The following SLC39A8 variants were observed in gnomAD, a reference collection of about 807,000 sequenced individuals.
SLC39A8 encodes the protein solute carrier family 39 member 8.
Under a neutral mutation model 40.4 loss-of-function variants are expected in SLC39A8, and 15 were observed. The observed-to-expected ratio is 0.37, with a 90% CI of 0.25 to 0.57. The LOEUF (loss-of-function observed/expected upper bound fraction) is 0.57. Among genes scored for constraint, SLC39A8 ranks in the 20% least tolerant of loss-of-function variants. The probability of loss-of-function intolerance (pLI) is 0.75; values close to 1 mark genes in which losing one functional copy is unlikely to be tolerated. For missense variants in SLC39A8, 472 were observed against 558.8 expected, an observed-to-expected ratio of 0.84 and a Z score of 1.57; for synonymous variants, 223 against 221.6, an observed-to-expected ratio of 1.01 and a Z score of -0.06.
At chr4:102,314,539 C>T (rs1734577293) in intron 3 of SLC39A8, among the ~76,000 whole-genome samples, 1 of 152,142 alleles carries the variant, frequency 6.6e-6, no homozygotes, top group African/African-American at 2.4e-5. Flanking sequence ...CTTCTACCTT[C>T]CCCACCAACT....
intron 6 of SLC39A8, among the ~76,000 whole-genome samples, chr4:102,279,145 T>C (rs1209036462): frequency 6.7e-6 from 1 of 148,216 alleles, no homozygotes; most frequent in African/African-American, 2.5e-5. Context: ...TTAAGTATAA[T>C]AATAAAAAAA....
At chr4:102,342,918 A>G (rs1159649727) in intron 2 of SLC39A8, among the ~76,000 whole-genome samples, 1 of 152,172 alleles carries the variant, frequency 6.6e-6, no homozygotes, top group Non-Finnish European at 1.5e-5. Context: ...CTTCAAGTCA[A>G]TCCTCTAAAC....
At chr4:102,267,152 G>A (rs1229036649) in intron 8 of SLC39A8, among the ~76,000 whole-genome samples, 1 of 152,096 alleles carries the variant, frequency 6.6e-6, no homozygotes, top group African/African-American at 2.4e-5. Flanking sequence ...AGAAAAAGGA[G>A]AAAAAGTCCT....
intron 2 of SLC39A8, among the ~76,000 whole-genome samples, chr4:102,327,288 A>G (rs1330925629): frequency 1.3e-5 from 2 of 152,156 alleles, no homozygotes; most frequent in African/African-American, 4.8e-5. Context: ...TTATGCCGAG[A>G]GTCTAAAGTC....
In SLC39A8 at chr4:102,262,158, T is replaced by C; in HGVS notation, c.*886A>G. On this transcript the variant is annotated 3_prime_UTR_variant, in exon 9 of 9. Transcript: ENST00000356736. ...ATTTATTAAAATATTCTCTGCTAAA[T>C]AGTTATGTTTGTCTTTAAAAGTAAA... 1 of 985,866 alleles carries C rather than the reference T, an allele frequency of 1.0e-6. No homozygotes were observed. The highest frequency in any genetic ancestry group is 1.2e-6 in the Non-Finnish European group (1 of 829,778). The allele number at this position is 985,866 out of a possible 1,614,324, so 61.1% of individuals were successfully genotyped here.
At chr4:102,253,906 G>T (rs1731651330) in intron 11 of SLC39A8, among the ~76,000 whole-genome samples, 1 of 151,916 alleles carries the variant, frequency 6.6e-6, no homozygotes, top group South Asian at 2.1e-4. Flanking sequence ...TTTCCTTTCT[G>T]CTTGTGGTAA....
At chr4:102,334,278 A>C in intron 2 of SLC39A8, among the ~76,000 whole-genome samples, 1 of 152,202 alleles carries the variant, frequency 6.6e-6, no homozygotes. Context: ...AGAACTGAGG[A>C]TTCAAAATTG....
chr4:102,331,494 C>T (rs1735461902), intron 2 of SLC39A8, among the ~76,000 whole-genome samples: 1 of 152,160 alleles, frequency 6.6e-6, no homozygotes, highest in South Asian at 2.1e-4. Context: ...GAACTACAAA[C>T]CACTGCTCAA....
At chr4:102,338,749 C>T (rs915847389) in intron 2 of SLC39A8, among the ~76,000 whole-genome samples, 2 of 152,166 alleles carry the variant, frequency 1.3e-5, no homozygotes, top group African/African-American at 2.4e-5. Flanking sequence ...CCACTTACTT[C>T]GTGACGTTGG....
At chr4:102,340,355 A>ATGG (rs958254455) in intron 2 of SLC39A8, among the ~76,000 whole-genome samples, 8 of 152,206 alleles carry the variant, frequency 5.3e-5, no homozygotes, top group African/African-American at 1.9e-4. Flanking sequence ...AATATATAAT[A>ATGG]TGTTATAATT....
chr4:102,296,403 A>G (rs575514720), intron 6 of SLC39A8, among the ~76,000 whole-genome samples: 1 of 152,230 alleles, frequency 6.6e-6, no homozygotes, highest in Non-Finnish European at 1.5e-5. Flanking sequence ...CAAAAGATGA[A>G]GTGATGCGAC....
chr4:102,254,885 G>A (rs1731673578), intron 11 of SLC39A8, among the ~76,000 whole-genome samples: 1 of 152,042 alleles, frequency 6.6e-6, no homozygotes, highest in African/African-American at 2.4e-5. Flanking sequence ...GCCCCTTTTG[G>A]CTCCAAAACT....
chr4:102,252,123 G>A (rs1731606460), exon 12 of SLC39A8: 1 of 152,360 alleles, frequency 6.6e-6, no homozygotes, highest in Admixed American at 6.5e-5. Flanking sequence ...TCCAGAAAGT[G>A]AGGAACTAGA....
At chr4:102,287,967 G>A (rs372937636) in intron 6 of SLC39A8, among the ~76,000 whole-genome samples, 20 of 152,102 alleles carry the variant, frequency 1.3e-4, no homozygotes, top group African/African-American at 4.3e-4. Context: ...CACGTGACAG[G>A]TACCACCAGC....
At chr4:102,316,894 T>C (rs535404631) in intron 2 of SLC39A8, among the ~76,000 whole-genome samples, 8 of 152,094 alleles carry the variant, frequency 5.3e-5, no homozygotes, top group Non-Finnish European at 8.8e-5. Flanking sequence ...AGTGCACTTA[T>C]AAAAAGAGAC....
At chr4:102,277,011 G>A (rs1732648486) in intron 6 of SLC39A8, among the ~76,000 whole-genome samples, 1 of 152,148 alleles carries the variant, frequency 6.6e-6, no homozygotes, top group Admixed American at 6.5e-5. Flanking sequence ...AACTATTTAT[G>A]ACAAACCCAC....
intron 6 of SLC39A8, among the ~76,000 whole-genome samples, chr4:102,293,973 T>C (rs991331268): frequency 4.0e-5 from 6 of 151,180 alleles, no homozygotes; most frequent in African/African-American, 1.5e-4. Context: ...CATTAATACA[T>C]ACAAACTTGA....
At chr4:102,321,884 A>G (rs1734981895) in intron 2 of SLC39A8, among the ~76,000 whole-genome samples, 1 of 152,234 alleles carries the variant, frequency 6.6e-6, no homozygotes, top group South Asian at 2.1e-4. Flanking sequence ...AAAGAAGAAC[A>G]AAGGCTTGAG....
chr4:102,260,141 G>T (rs1292185100), downstream of SLC39A8, among the ~76,000 whole-genome samples: 1 of 152,188 alleles, frequency 6.6e-6, no homozygotes, highest in South Asian at 2.1e-4. Context: ...GGATTGATCT[G>T]AAACAAGTCA....
Sources: allele counts gnomAD v4.1 joint callset (sites outside exome capture counted in the v4.1 genomes callset), GRCh38; gene constraint gnomAD v4.1.1; transcripts MANE v1.5; gene names NCBI Gene and HGNC (gene_info 2026-07-23, HGNC 2026-07-21).